The following ARHGDIB variants were observed in gnomAD, a reference collection of about 807,000 sequenced individuals.
The protein encoded by ARHGDIB is rho GDP-dissociation inhibitor 2.
Under a neutral mutation model 22.6 loss-of-function variants are expected in ARHGDIB, and 20 were observed. That is an observed-to-expected ratio of 0.88 (90% CI 0.62 to 1.28). The LOEUF (loss-of-function observed/expected upper bound fraction) is 1.28. Ranked by LOEUF, ARHGDIB falls within the 50% of genes most tolerant of loss-of-function variation. The pLI, the probability that ARHGDIB is intolerant of heterozygous loss-of-function variation, is 0.00. For missense variants in ARHGDIB, 254 were observed against 245.4 expected, an observed-to-expected ratio of 1.04 and a Z score of -0.23; for synonymous variants, 114 against 96.1, an observed-to-expected ratio of 1.19 and a Z score of -1.09.
At chr12:14,948,625 T>C (rs1412489360) in intron 3 of ARHGDIB, among the ~76,000 whole-genome samples, 1 of 152,222 alleles carries the variant, frequency 6.6e-6, no homozygotes, top group Non-Finnish European at 1.5e-5. Context: ...AATCACTCTC[T>C]ATGCTTTTCT....
At chr12:14,944,287 TA>T (rs1166469276) in intron 5 of ARHGDIB, among the ~76,000 whole-genome samples, 3 of 151,848 alleles carry the variant, frequency 2.0e-5, no homozygotes, top group African/African-American at 7.3e-5. Context: ...TCCTAGAAAA[TA>T]TTTTTTTTTC....
intron 1 of ARHGDIB, among the ~76,000 whole-genome samples, chr12:14,953,879 CTTTG>C (rs1251648907): frequency 1.3e-5 from 2 of 151,122 alleles, no homozygotes; most frequent in African/African-American, 4.9e-5. Flanking sequence ...CCCTTTCTTT[CTTTG>C]TCTCTCTCTC....
chr12:14,947,259 T>C (rs1864039864), intron 4 of ARHGDIB, among the ~76,000 whole-genome samples: 2 of 152,210 alleles, frequency 1.3e-5, no homozygotes. Flanking sequence ...TATGGCTCAT[T>C]GGGATATATT....
chr12:14,947,008 A>T (rs779549090), intron 4 of ARHGDIB, among the ~76,000 whole-genome samples: 57 of 152,136 alleles, frequency 3.7e-4, no homozygotes, highest in African/African-American at 1.3e-3. Context: ...TGGGGTAGGG[A>T]GGTCATCCAT....
intron 3 of ARHGDIB, among the ~76,000 whole-genome samples, chr12:14,948,220 C>T (rs1302564330): frequency 3.9e-5 from 6 of 151,982 alleles, no homozygotes; most frequent in Admixed American, 3.9e-4. Flanking sequence ...GCTAAAAATA[C>T]ACAAGACATT....
chr12:14,958,164 G>A (rs1864339622), intron 1 of ARHGDIB, among the ~76,000 whole-genome samples: 1 of 152,082 alleles, frequency 6.6e-6, no homozygotes, highest in Non-Finnish European at 1.5e-5. Flanking sequence ...GGTGTATTAC[G>A]GGATTGCAAA....
intron 1 of ARHGDIB, among the ~76,000 whole-genome samples, chr12:14,958,319 A>G (rs1319492261): frequency 6.6e-6 from 1 of 152,216 alleles, no homozygotes; most frequent in Non-Finnish European, 1.5e-5. Flanking sequence ...AGGACTACGA[A>G]AACTTCAAAA....
intron 1 of ARHGDIB, among the ~76,000 whole-genome samples, chr12:14,960,456 C>A (rs990343711): frequency 6.6e-6 from 1 of 152,106 alleles, no homozygotes; most frequent in African/African-American, 2.4e-5. Context: ...TTGGTGTTTT[C>A]CATGTTTGCT....
chr12:14,944,864 G>A, intron 4 of ARHGDIB, 25 bp from the exon 5 acceptor site: 1 of 1,607,536 alleles, frequency 6.2e-7, no homozygotes. Context: ...GAACCAAGAT[G>A]TTCAGATTAA....
At chr12:14,950,034 C>G (rs918761628) in intron 2 of ARHGDIB, 149 bp from the exon 3 acceptor site, 12 of 738,258 alleles carry the variant, frequency 1.6e-5, no homozygotes, top group African/African-American at 1.2e-4. Flanking sequence ...GTTTGCTATG[C>G]TTGGTCTTGA....
intron 1 of ARHGDIB, among the ~76,000 whole-genome samples, chr12:14,960,795 G>T (rs534142710): frequency 5.3e-5 from 8 of 152,192 alleles, no homozygotes; most frequent in Non-Finnish European, 1.2e-4. Context: ...GAGCCACCAC[G>T]CCCAGCCCTA....
intron 3 of ARHGDIB, chr12:14,948,825 T>C (rs77292064): frequency 0.024 from 3,707 of 152,498 alleles, 66 homozygotes; most frequent in Non-Finnish European, 0.038. Context: ...AGACTCTGAG[T>C]TCTGGTGAGA....
At chr12:14,949,225 G>A (rs990418846) in intron 3 of ARHGDIB, among the ~76,000 whole-genome samples, 7 of 151,880 alleles carry the variant, frequency 4.6e-5, no homozygotes, top group East Asian at 1.9e-4. Context: ...TCCTCCTCAA[G>A]CCCTAAGTCT....
chr12:14,960,282 G>A (rs1864384266), intron 1 of ARHGDIB, among the ~76,000 whole-genome samples: 2 of 152,192 alleles, frequency 1.3e-5, no homozygotes, highest in Admixed American at 6.5e-5. Context: ...AAACATGCTG[G>A]CTGGGAAGTC....
chr12:14,949,233 T>C (rs1337309072), intron 3 of ARHGDIB, among the ~76,000 whole-genome samples: 1 of 152,068 alleles, frequency 6.6e-6, no homozygotes, highest in African/African-American at 2.4e-5. Context: ...AAGCCCTAAG[T>C]CTCAGGGAAA....
intron 2 of ARHGDIB, 134 bp from the exon 3 acceptor site, chr12:14,950,019 G>C: frequency 1.2e-6 from 1 of 831,884 alleles, no homozygotes; most frequent in South Asian, 1.8e-5. Context: ...AAATGGATGT[G>C]GCAGGTTTGC....
chr12:14,942,905 G>A (rs965661595), intron 5 of ARHGDIB, among the ~76,000 whole-genome samples, 184 bp from the exon 6 acceptor site: 6 of 149,316 alleles, frequency 4.0e-5, no homozygotes, highest in Non-Finnish European at 7.4e-5. Flanking sequence ...TTTTGCTCTT[G>A]TTGTCCAGGC....
chr12:14,944,274 CA>C (rs1451253207), intron 5 of ARHGDIB, among the ~76,000 whole-genome samples: 4 of 151,768 alleles, frequency 2.6e-5, no homozygotes, highest in Non-Finnish European at 5.9e-5. Context: ...CAGGCTTTTT[CA>C]ATCCTAGAAA....
intron 5 of ARHGDIB, among the ~76,000 whole-genome samples, chr12:14,943,404 G>GTTTT (rs71038648): frequency 5.7e-5 from 8 of 140,982 alleles, no homozygotes; most frequent in African/African-American, 1.8e-4. Flanking sequence ...TGTTGTTGTT[G>GTTTT]TTTTTTTTAT....
Sources: gnomAD v4.1 joint callset for allele counts (sites outside exome capture counted in the v4.1 genomes callset) on GRCh38, gnomAD v4.1.1 for gene constraint, MANE v1.5 for transcripts, NCBI Gene and HGNC (gene_info 2026-07-23, HGNC 2026-07-21) for gene names.